Variants in CAMK4 observed in about 807,000 individuals in gnomAD.
The protein encoded by CAMK4 is calcium/calmodulin-dependent protein kinase type IV.
Under a neutral mutation model 44.9 loss-of-function variants are expected in CAMK4, and 22 were observed. The ratio of observed to expected loss-of-function variants is 0.49; its 90% CI spans 0.35 to 0.70. The LOEUF (loss-of-function observed/expected upper bound fraction) is 0.70, where lower values mean the gene tolerates loss of function less well. Among genes scored for constraint, CAMK4 ranks in the 30% least tolerant of loss-of-function variants. The pLI is 0.01. For missense variants in CAMK4, 498 were observed against 586.8 expected (o/e 0.85, Z 1.56); for synonymous variants, 218 against 215.4 (o/e 1.01, Z -0.11).
intron 1 of CAMK4, among the ~76,000 whole-genome samples, chr5:111,255,353 C>T (rs1266788975): frequency 6.6e-6 from 1 of 152,192 alleles, no homozygotes; most frequent in African/African-American, 2.4e-5. Context: ...TCCTTACAAA[C>T]AGAAAGTGTT....
intron 7 of CAMK4, 110 bp from the exon 8 acceptor site, chr5:111,473,201 A>G: frequency 1.3e-6 from 1 of 793,748 alleles, no homozygotes; most frequent in East Asian, 2.4e-5. Flanking sequence ...GATTGGTTAT[A>G]AAACTGTTCA....
rs753715465 is a variant in CAMK4 at position 111,320,894 on chromosome 5, A to G, written c.162-23130A>G. 3.2e-4 allele frequency among the ~76,000 whole-genome samples: 48 copies of G among 152,310 alleles called. 1 individual carries two copies. The highest frequency in any genetic ancestry group is 8.3e-4 in the South Asian group (4 of 4,824). On this transcript the variant is annotated intron_variant, in intron 1 of 10. Transcript: ENST00000282356. ...CAAGATGCATCCTGCAGCCATAACT[A>G]TGGGCTGTCACAGTTAAATTGGTTT...
intron 1 of CAMK4, among the ~76,000 whole-genome samples, chr5:111,292,165 A>T (rs528465349): frequency 6.6e-6 from 1 of 152,372 alleles, no homozygotes; most frequent in East Asian, 1.9e-4. Flanking sequence ...CAGTCTGACA[A>T]TAGCACCAGG....
chr5:111,418,399 G>A (rs1435447921), intron 5 of CAMK4, among the ~76,000 whole-genome samples: 1 of 151,926 alleles, frequency 6.6e-6, no homozygotes, highest in African/African-American at 2.4e-5. Flanking sequence ...TGCTAATGAA[G>A]TTTCAGTCAC....
rs1755618436 is a variant in CAMK4 at position 111,486,359 on chromosome 5, A to T, written c.*1893A>T. 1 of 151,864 alleles carries T rather than the reference A, an allele frequency of 6.6e-6. No individual in the cohort carries two copies. The highest frequency in any genetic ancestry group is 1.9e-4 in the East Asian group (1 of 5,188). 9.4% of individuals were successfully genotyped at this position (151,864 alleles called of 1,614,324 possible). A position where few individuals can be genotyped will look rare whatever the true frequency, so the allele number is the denominator to read the frequency against. On this transcript the variant is annotated 3_prime_UTR_variant, in exon 11 of 11. Coordinates refer to ENST00000282356, the MANE Select transcript of CAMK4 (RefSeq NM_001744.6). ...CCCTCTTTCCTTCCTTCCTCATTTA[A>T]TTATTCCCTCTCAGAATTCCCATGT...
chr5:111,255,180 A>G (rs1041524822), intron 1 of CAMK4, among the ~76,000 whole-genome samples: 1 of 152,106 alleles, frequency 6.6e-6, no homozygotes, highest in Admixed American at 6.6e-5. Flanking sequence ...TTGTAGTTGC[A>G]TGTTGTCTGA....
chr5:111,293,895 C>T (rs1293586833), intron 1 of CAMK4, among the ~76,000 whole-genome samples: 5 of 151,814 alleles, frequency 3.3e-5, no homozygotes, highest in African/African-American at 7.2e-5. Context: ...TACAGGTGCC[C>T]GCCACCATGC....
intron 7 of CAMK4, among the ~76,000 whole-genome samples, chr5:111,452,020 C>A (rs964055165): frequency 6.6e-6 from 1 of 152,202 alleles, no homozygotes; most frequent in Non-Finnish European, 1.5e-5. Context: ...TCCATCTAAG[C>A]ATTTTATAAT....
At chr5:111,435,684 G>A (rs1420159879) in intron 5 of CAMK4, among the ~76,000 whole-genome samples, 1 of 152,152 alleles carries the variant, frequency 6.6e-6, no homozygotes, top group East Asian at 1.9e-4. Flanking sequence ...TTTGCTTGCT[G>A]CTTCTTTCTC....
chr5:111,435,032 C>G (rs1281405245), intron 5 of CAMK4, among the ~76,000 whole-genome samples: 1 of 152,142 alleles, frequency 6.6e-6, no homozygotes, highest in Non-Finnish European at 1.5e-5. Flanking sequence ...CACAATGAAA[C>G]AGTTTTTGTT....
intron 1 of CAMK4, among the ~76,000 whole-genome samples, chr5:111,287,273 G>A (rs1026369265): frequency 8.5e-5 from 13 of 152,170 alleles, no homozygotes; most frequent in Non-Finnish European, 1.8e-4. Flanking sequence ...TAAGGTGATA[G>A]GGGAGTGAAT....
At position 111,485,598 on chromosome 5, in the gene CAMK4, ATGT is replaced by A. The variant is rs1755584993; in HGVS notation, c.*1133_*1135del. 1 of 152,184 alleles carries A rather than the reference ATGT, an allele frequency of 6.6e-6. No homozygotes were observed. The highest frequency in any genetic ancestry group is 2.1e-4 in the South Asian group (1 of 4,836). The allele number at this position is 152,184 out of a possible 1,614,324, so 9.4% of individuals were successfully genotyped here. A position where few individuals can be genotyped will look rare whatever the true frequency, so the allele number is the denominator to read the frequency against. The stretch of plus-strand genomic sequence containing the variant: ...CTAAAGTTATTTATGAAAAGCTAGT[ATGT>A]CTTTTTCTCGTATTTGGAATGAAAG... On this transcript the variant is annotated 3_prime_UTR_variant, in exon 11 of 11. Transcript: ENST00000282356.
chr5:111,237,005 T>A (rs926671917), intron 1 of CAMK4, among the ~76,000 whole-genome samples: 1 of 152,224 alleles, frequency 6.6e-6, no homozygotes, highest in Non-Finnish European at 1.5e-5. Context: ...AACCCACTTC[T>A]AAACTAGCAC....
At chr5:111,326,050 A>T (rs1748874350) in intron 1 of CAMK4, among the ~76,000 whole-genome samples, 1 of 152,100 alleles carries the variant, frequency 6.6e-6, no homozygotes, top group Admixed American at 6.6e-5. Context: ...GAAGCTAAAT[A>T]AATATAAAAG....
Position 111,484,507 on chromosome 5 carries a change from A to G in CAMK4, c.*41A>G. 2 of 1,358,608 alleles carry G rather than the reference A, an allele frequency of 1.5e-6. No individual in the cohort carries two copies. The highest frequency in any genetic ancestry group is 1.0e-6 in the Non-Finnish European group (1 of 1,004,938). 84.2% of individuals were successfully genotyped at this position (1,358,608 alleles called of 1,614,324 possible). ...TCTGGAAGCCAAACACCGGCATTTT[A>G]TGTACTTTGTCCTTCAGCAAGAAAG... is the stretch of plus-strand genomic sequence containing the variant. On this transcript the variant is annotated 3_prime_UTR_variant, in exon 11 of 11. Transcript: ENST00000282356. This position sits in a 1 kb window ranked among gnomAD's most constrained non-coding sequence, Gnocchi z 5.3.
intron 5 of CAMK4, among the ~76,000 whole-genome samples, chr5:111,443,362 T>A (rs1159066797): frequency 6.9e-6 from 1 of 144,412 alleles, no homozygotes; most frequent in African/African-American, 2.5e-5. Flanking sequence ...ATATATAGTA[T>A]ATATATATGA....
intron 1 of CAMK4, among the ~76,000 whole-genome samples, chr5:111,308,661 C>G (rs1401346943): frequency 6.6e-6 from 1 of 152,114 alleles, no homozygotes; most frequent in Non-Finnish European, 1.5e-5. Context: ...TTCAGTTTGA[C>G]TCAGATTTCA....
intron 1 of CAMK4, among the ~76,000 whole-genome samples, chr5:111,246,734 G>A (rs749505459): frequency 6.6e-6 from 1 of 152,102 alleles, no homozygotes; most frequent in East Asian, 1.9e-4. Flanking sequence ...AATTGACCTA[G>A]GCCCAGATTA....
At chr5:111,368,112 A>G (rs1221750710) in intron 2 of CAMK4, among the ~76,000 whole-genome samples, 1 of 152,006 alleles carries the variant, frequency 6.6e-6, no homozygotes, top group Non-Finnish European at 1.5e-5. Flanking sequence ...TTTATTGTAA[A>G]TTGTTAGTAA....
Sources: gnomAD v4.1 joint callset for allele counts (sites outside exome capture counted in the v4.1 genomes callset) on GRCh38, gnomAD v4.1.1 for gene constraint, Gnocchi (gnomAD v3.1) non-coding constraint, MANE v1.5 for transcripts, NCBI Gene and HGNC (gene_info 2026-07-23, HGNC 2026-07-21) for gene names.